The following EFCAB8 variants were observed in gnomAD, a reference collection of about 807,000 sequenced individuals.
EFCAB8 encodes the protein EF-hand calcium-binding domain-containing protein 8.
In EFCAB8, 100 loss-of-function variants were observed where a neutral mutation model predicts 116.3. The observed-to-expected ratio is 0.86, with a 90% CI of 0.73 to 1.02. The LOEUF (loss-of-function observed/expected upper bound fraction) is 1.02. EFCAB8 is among the 50% of genes least tolerant of loss of function. The pLI is 0.00. For missense variants in EFCAB8, 1,320 were observed against 1,416.9 expected, an observed-to-expected ratio of 0.93 and a Z score of 1.10; for synonymous variants, 558 against 567.9, an observed-to-expected ratio of 0.98 and a Z score of 0.25.
chr20:32,957,357 A>G (rs1057363029), intron 23 of EFCAB8, among the ~76,000 whole-genome samples: 1 of 151,940 alleles, frequency 6.6e-6, no homozygotes. Context: ...GCTTGTATAA[A>G]TGGATTGTAA....
chr20:32,863,871 G>T, intron 2 of EFCAB8, 37 bp downstream of exon 2: 1 of 1,549,038 alleles, frequency 6.5e-7, no homozygotes. Context: ...TAAAGGGTGG[G>T]GCATTCCAGA....
Position 32,911,474 on chromosome 20 carries a change from C to G in EFCAB8, c.1558-6C>G. 2.0e-6 allele frequency: 3 copies of G among 1,484,308 alleles called. No homozygotes were observed. The highest frequency in any genetic ancestry group is 2.5e-5 in the East Asian group (1 of 40,076). The allele number at this position is 1,484,308 out of a possible 1,614,324, so 91.9% of individuals were successfully genotyped here. ...CCAGCAGCCCCCAGCTGTGTGCTCC[C>G]TACAGGTGGTGAGTGGCTGCCTGCG... On this transcript the variant is annotated splice_region_variant and splice_polypyrimidine_tract_variant and intron_variant, in intron 15 of 26. Transcript: ENST00000400522.
intron 13 of EFCAB8, among the ~76,000 whole-genome samples, chr20:32,907,893 G>A (rs1169071641): frequency 6.6e-6 from 1 of 152,198 alleles, no homozygotes; most frequent in African/African-American, 2.4e-5. Context: ...GGCCACTGTG[G>A]CAACTATGTT....
In EFCAB8 at chr20:32,906,545, C is replaced by T. The variant is rs1333723591; in HGVS notation, c.1089-17C>T. ...ACTGCTCCCGGCCCTGCAGCCCTCA[C>T]TCCTTTGATATTGTAGGTTGTCAGT... On this transcript the variant is annotated splice_polypyrimidine_tract_variant and intron_variant, in intron 11 of 26. Coordinates refer to ENST00000400522, the MANE Select transcript of EFCAB8 (RefSeq NM_001143967.2). 1.4e-6 allele frequency: 1 copy of T among 718,482 alleles called. No individual in the cohort carries two copies. Among genetic ancestry groups the T allele is most frequent in the East Asian group, 2.7e-5 (1 of 37,278 alleles). 44.5% of individuals were successfully genotyped at this position (718,482 alleles called of 1,614,324 possible).
chr20:32,862,848 C>G (rs899507954), intron 1 of EFCAB8, among the ~76,000 whole-genome samples: 1 of 152,000 alleles, frequency 6.6e-6, no homozygotes, highest in African/African-American at 2.4e-5. Context: ...AGGCTGGTCT[C>G]ATTTGAACTG....
chr20:32,959,790 T>A lies in EFCAB8; in HGVS notation c.3102T>A (p.Asp1034Glu). 3 of 1,496,720 alleles carry A rather than the reference T, an allele frequency of 2.0e-6. No individual in the cohort carries two copies. Among genetic ancestry groups the A allele is most frequent in the Non-Finnish European group, 2.7e-6 (3 of 1,118,180 alleles). 92.7% of individuals were successfully genotyped at this position (1,496,720 alleles called of 1,614,324 possible). Residue 1034 changes from aspartate to glutamate, a missense_variant, in exon 25 of 27, where the codon GAT becomes GAA. Transcript: ENST00000400522. ...VLHLELQEQR[D>E]LAEALIYQRR... Reference sequence around the variant, plus strand: ...GCCCCCACACTAGGGAGCAGCGGGATCTGGCTGAGGCCCTGATATACCAGC... The same window carrying A: ...GCCCCCACACTAGGGAGCAGCGGGAACTGGCTGAGGCCCTGATATACCAGC...
intron 7 of EFCAB8, among the ~76,000 whole-genome samples, chr20:32,891,788 AGAGGCTGGAAGT>A (rs1434246766): frequency 4.0e-5 from 6 of 151,200 alleles, no homozygotes; most frequent in Non-Finnish European, 8.8e-5. Flanking sequence ...GTTGCTCATC[AGAGGCTGGAAGT>A]GAGGCTGGAT....
At chr20:32,860,556 G>T (rs1158850235) in intron 1 of EFCAB8, among the ~76,000 whole-genome samples, 2 of 136,794 alleles carry the variant, frequency 1.5e-5, no homozygotes, top group Non-Finnish European at 3.0e-5. Flanking sequence ...GCCTAGGCTG[G>T]AGTGCAATGG....
intron 23 of EFCAB8, among the ~76,000 whole-genome samples, chr20:32,955,631 A>G (rs1568950775): frequency 6.6e-6 from 1 of 152,204 alleles, no homozygotes; most frequent in African/African-American, 2.4e-5. Context: ...TAAATGTTCT[A>G]TTCTTGAAGA....
Position 32,906,633 on chromosome 20 carries a change from A to T in EFCAB8, c.1156+4A>T. On this transcript the variant is annotated splice_donor_region_variant and intron_variant, in intron 12 of 26. Transcript: ENST00000400522. ...TGCCCAGACAGGAACTTCCTGGGTA[A>T]GTCACCTTCATGTCACCCAGAAGCT... The T allele has an allele frequency of 1.4e-6, 1 of 718,166 alleles. No individual in the cohort carries two copies. Among genetic ancestry groups the T allele is most frequent in the Non-Finnish European group, 2.6e-6 (1 of 385,088 alleles). The allele number at this position is 718,166 out of a possible 1,614,324, so 44.5% of individuals were successfully genotyped here. A position where few individuals can be genotyped will look rare whatever the true frequency, so the allele number is the denominator to read the frequency against.
At chr20:32,884,105 A>G (rs962403230) in intron 5 of EFCAB8, among the ~76,000 whole-genome samples, 4 of 152,220 alleles carry the variant, frequency 2.6e-5, no homozygotes, top group Non-Finnish European at 4.4e-5. Context: ...GAATGTCAAG[A>G]GGCTTGTTCC....
chr20:32,899,446 A>G (rs2146223756), intron 11 of EFCAB8, among the ~76,000 whole-genome samples: 1 of 151,878 alleles, frequency 6.6e-6, no homozygotes, highest in African/African-American at 2.4e-5. Context: ...TCACACAAGT[A>G]TGTATTAAAT....
Position 32,889,436 on chromosome 20 carries a change from T to C in EFCAB8, c.673+30T>C, listed in dbSNP as rs193288762. ...GTCCCTGGGGGCTTCCCAGCTCTGC[T>C]CTCAGCCACTGGGAGCCATGCATTT... On this transcript the variant is annotated intron_variant, in intron 7 of 26. Coordinates refer to ENST00000400522, the MANE Select transcript of EFCAB8 (RefSeq NM_001143967.2). 1,192 of 1,538,308 alleles carry C rather than the reference T, an allele frequency of 7.7e-4. 12 individuals are homozygous for C. The African/African-American group carries it at 0.015, about 19-fold the overall frequency.
chr20:32,909,117 G>A (rs1210395831), intron 14 of EFCAB8, among the ~76,000 whole-genome samples: 3 of 152,220 alleles, frequency 2.0e-5, no homozygotes, highest in African/African-American at 4.8e-5. Flanking sequence ...CTCCACCAAG[G>A]CCTCCCACGC....
At chr20:32,940,493 A>G (rs1988372280) in intron 22 of EFCAB8, among the ~76,000 whole-genome samples, 1 of 149,784 alleles carries the variant, frequency 6.7e-6, no homozygotes, top group Non-Finnish European at 1.5e-5. Context: ...GAAGAAAATA[A>G]ATGGAAAATA....
At chr20:32,943,873 C>T (rs775983812) in intron 23 of EFCAB8, 69 bp downstream of exon 23, 2 of 414,890 alleles carry the variant, frequency 4.8e-6, no homozygotes, top group Non-Finnish European at 8.8e-6. Context: ...TGAACATAAG[C>T]TGGTATGAAC....
intron 23 of EFCAB8, among the ~76,000 whole-genome samples, chr20:32,947,878 C>G (rs866871572): frequency 4.0e-4 from 53 of 133,806 alleles, no homozygotes; most frequent in African/African-American, 1.5e-3. Context: ...CCAGCCTAGG[C>G]AACATAACAA....
intron 1 of EFCAB8, among the ~76,000 whole-genome samples, chr20:32,862,375 G>T (rs568149954): frequency 1.3e-5 from 2 of 151,722 alleles, no homozygotes; most frequent in African/African-American, 4.8e-5. Flanking sequence ...CGATCCTCCC[G>T]CCTCGGCCTA....
chr20:32,945,212 G>C (rs775141323), intron 23 of EFCAB8, among the ~76,000 whole-genome samples: 1 of 152,102 alleles, frequency 6.6e-6, no homozygotes, highest in Non-Finnish European at 1.5e-5. Flanking sequence ...AGGGTTGAGT[G>C]CAGTGGCACG....
Sources: gnomAD v4.1 joint callset for allele counts (sites outside exome capture counted in the v4.1 genomes callset) on GRCh38, gnomAD v4.1.1 for gene constraint, MANE v1.5 for transcripts, NCBI Gene and HGNC (gene_info 2026-07-23, HGNC 2026-07-21) for gene names.